CDH2: variants seen among roughly 807,000 people sequenced by gnomAD.
CDH2 encodes the protein cadherin-2.
Under a neutral mutation model 92.0 loss-of-function variants are expected in CDH2, and 17 were observed. The ratio of observed to expected loss-of-function variants is 0.18; its 90% CI spans 0.13 to 0.28. The LOEUF (loss-of-function observed/expected upper bound fraction) is 0.28, where lower values mean the gene tolerates loss of function less well. CDH2 is among the 10% of genes least tolerant of loss of function. CDH2 has a pLI of 1.00. For missense variants in CDH2, 862 were observed against 1,133.1 expected (o/e 0.76, Z 3.44); for synonymous variants, 419 against 415.9 (o/e 1.01, Z -0.09).
At chr18:27,959,637 A>C (rs747869326) in intron 15 of CDH2, 2 of 152,156 alleles carry the variant, frequency 1.3e-5, no homozygotes, top group Non-Finnish European at 2.9e-5. Flanking sequence ...TATTTTGGAG[A>C]GTTATTACTG....
At chr18:28,176,547 G>C (rs1364141174) in intron 1 of CDH2, among the ~76,000 whole-genome samples, 1 of 152,084 alleles carries the variant, frequency 6.6e-6, no homozygotes, top group Non-Finnish European at 1.5e-5. Flanking sequence ...CTGTAAACTC[G>C]CGACCCATCC....
rs752215297 is a variant in CDH2, at chr18:27,990,268, T to C, written c.1427A>G (p.His476Arg). Reference sequence around the variant, plus strand: ...CACGGTTGCAGTTGACTGAGGGGGGTGCTGAATTCCCTTGGCTAATGGCAC... The same window carrying C: ...CACGGTTGCAGTTGACTGAGGGGGGCGCTGAATTCCCTTGGCTAATGGCAC... ...NQVPLAKGIQHPPQSTATVSV... is the reference protein window; with the variant it reads ...NQVPLAKGIQRPPQSTATVSV... Residue 476 changes from histidine (H) to arginine (R), a missense_variant, in exon 10 of 16, where the codon CAC becomes CGC. Around this residue, in one of 5 missense-constraint regions of CDH2, gnomAD observed 564 missense variants for 722.2 expected, o/e 0.78. Coordinates refer to ENST00000269141, the MANE Select transcript of CDH2 (RefSeq NM_001792.5). 6.2e-7 allele frequency: 1 copy of C among 1,613,948 alleles called. No individual in the cohort carries two copies. Among genetic ancestry groups the C allele is most frequent in the South Asian group, 1.1e-5 (1 of 91,072 alleles).
chr18:27,944,540 A>G (rs1016741912), intron 6 of CDH2, among the ~76,000 whole-genome samples: 2 of 152,104 alleles, frequency 1.3e-5, no homozygotes, highest in Admixed American at 6.5e-5. Context: ...TCTGTCTCCC[A>G]TCATGTTTCT....
Position 28,031,026 on chromosome 18 carries a change from C to T in CDH2, c.173-17117G>A, listed in dbSNP as rs140297659. Among the ~76,000 whole-genome samples the T allele has an allele frequency of 1.8e-3, 275 of 151,450 alleles. 2 individuals carry two copies. Among genetic ancestry groups the T allele is most frequent in the African/African-American group, 6.5e-3 (268 of 41,304 alleles). ...CCAATCTTAAGGTTTTAAAAACCAC[C>T]TGTACCAAGATGAATCTTGAATATA... On this transcript the variant is annotated intron_variant, in intron 2 of 15. Transcript: ENST00000269141.
intron 15 of CDH2, among the ~76,000 whole-genome samples, chr18:27,957,459 TG>T (rs2143868341): frequency 6.6e-6 from 1 of 152,002 alleles, no homozygotes; most frequent in African/African-American, 2.4e-5. Context: ...ATCAGGTTGC[TG>T]AAGTCGGTCT....
chr18:28,074,354 T>C (rs1181148252), intron 2 of CDH2, among the ~76,000 whole-genome samples: 1 of 152,192 alleles, frequency 6.6e-6, no homozygotes, highest in East Asian at 1.9e-4. Context: ...TAATAAAACA[T>C]TACTATCCAC....
At chr18:28,109,438 C>CGGTAGTTAAAGAGGAAGATTCACT (rs1252055608) in intron 2 of CDH2, among the ~76,000 whole-genome samples, 2 of 152,074 alleles carry the variant, frequency 1.3e-5, no homozygotes, top group Non-Finnish European at 2.9e-5. Context: ...ACAGTTCATG[C>CGGTAGTTAAAGAGGAAGATTCACT]GGTAGTTAAA....
chr18:27,981,282 A>C (rs45448596), intron 14 of CDH2, among the ~76,000 whole-genome samples: 183 of 152,352 alleles, frequency 1.2e-3, no homozygotes, highest in Non-Finnish European at 1.7e-3. Flanking sequence ...TGTGATCAAT[A>C]TGTTTGTTGA....
chr18:28,161,792 T>C (rs2016310350), intron 1 of CDH2, among the ~76,000 whole-genome samples: 1 of 152,102 alleles, frequency 6.6e-6, no homozygotes, highest in African/African-American at 2.4e-5. Context: ...TCTACTTCCA[T>C]GTAGTGGGAG....
chr18:28,034,437 T>C (rs959059516), intron 2 of CDH2, among the ~76,000 whole-genome samples: 8 of 151,950 alleles, frequency 5.3e-5, no homozygotes, highest in Non-Finnish European at 1.0e-4. Context: ...AATATATTTT[T>C]TTTCTGGTTT....
chr18:27,934,192 T>C lies in CDH2; in HGVS notation c.1152-1068A>G, dbSNP rs17497757. On this transcript the variant is annotated intron_variant, in intron 6 of 6. Coordinates refer to the CDH2 transcript ENST00000675173. ...AGCACACACATTCACATGCATATGG[T>C]CATTCTAAGGTCTGTTTTCCTTCCT... Among the ~76,000 whole-genome samples, 4 of 152,330 alleles carry C rather than the reference T, an allele frequency of 2.6e-5. No individual in the cohort carries two copies. The East Asian group carries it at 5.8e-4, about 22-fold the overall frequency.
intron 14 of CDH2, among the ~76,000 whole-genome samples, chr18:27,979,976 A>C (rs1428053119): frequency 6.6e-6 from 1 of 152,224 alleles, no homozygotes; most frequent in Non-Finnish European, 1.5e-5. Context: ...AAACCAGCTA[A>C]GTTCCCAATC....
intron 1 of CDH2, among the ~76,000 whole-genome samples, chr18:28,167,182 T>C (rs2016398131): frequency 6.6e-6 from 1 of 152,086 alleles, no homozygotes; most frequent in South Asian, 2.1e-4. Context: ...ATTTAGTTCT[T>C]TGTCTCCACT....
At chr18:28,017,040 G>T (rs2144046432) in intron 2 of CDH2, among the ~76,000 whole-genome samples, 2 of 152,152 alleles carry the variant, frequency 1.3e-5, no homozygotes, top group East Asian at 3.9e-4. Flanking sequence ...TTTTATTGAT[G>T]ATTTTTGCAT....
At chr18:27,962,314 A>G (rs551879801) in intron 15 of CDH2, among the ~76,000 whole-genome samples, 2 of 152,364 alleles carry the variant, frequency 1.3e-5, no homozygotes, top group Admixed American at 1.3e-4. Context: ...ATATGTTCAG[A>G]AAGGCAGCAT....
chr18:28,030,868 A>G lies in CDH2; in HGVS notation c.173-16959T>C, dbSNP rs1036635891. ...ATAACCAGAACCTAACACACTGCAAAGGAAATTAATTCCCTTGGGTACTCT... is the reference window on the plus strand; with the variant it reads ...ATAACCAGAACCTAACACACTGCAAGGGAAATTAATTCCCTTGGGTACTCT... On this transcript the variant is annotated intron_variant, in intron 2 of 15. Coordinates refer to ENST00000269141, the MANE Select transcript of CDH2 (RefSeq NM_001792.5). Among the ~76,000 whole-genome samples the G allele has an allele frequency of 3.3e-5, 5 of 152,056 alleles. No individual in the cohort carries two copies. In the South Asian group the frequency reaches 8.3e-4, roughly 25 times the overall value.
intron 2 of CDH2, among the ~76,000 whole-genome samples, chr18:28,086,783 C>G (rs1215698370): frequency 6.6e-6 from 1 of 152,150 alleles, no homozygotes; most frequent in South Asian, 2.1e-4. Context: ...CCTTTACCTT[C>G]TTTTGTATCA....
rs540373439 is a variant in CDH2, at chr18:28,017,410, A to G, written c.173-3501T>C. 4.8e-4 allele frequency among the ~76,000 whole-genome samples: 73 copies of G among 152,206 alleles called. 4 individuals are homozygous for G. The South Asian group carries it at 0.015, about 31-fold the overall frequency. On this transcript the variant is annotated intron_variant, in intron 2 of 15. Coordinates refer to ENST00000269141, the MANE Select transcript of CDH2 (RefSeq NM_001792.5). ...ATTGTTTAAGCATGTAAAGGTGTTC[A>G]TAGTAGTCTTGAATGATCTTTTGTA...
intron 2 of CDH2, among the ~76,000 whole-genome samples, chr18:28,140,520 G>C (rs745570487): frequency 1.3e-5 from 2 of 151,754 alleles, no homozygotes; most frequent in Non-Finnish European, 2.9e-5. Context: ...TGCCCTTACA[G>C]AAGAGGACCC....
Sources: allele counts gnomAD v4.1 joint callset (sites outside exome capture counted in the v4.1 genomes callset), GRCh38; gene constraint gnomAD v4.1.1; regional missense constraint gnomAD v4.1.1; transcripts MANE v1.5; gene names NCBI Gene and HGNC (gene_info 2026-07-23, HGNC 2026-07-21).